The following NELL1 variants were observed in gnomAD, a reference collection of about 807,000 sequenced individuals.
NELL1 encodes protein kinase C-binding protein NELL1.
In NELL1, 76 loss-of-function variants were observed where a neutral mutation model predicts 107.4. That is an observed-to-expected ratio of 0.71 (90% CI 0.59 to 0.86). The LOEUF is 0.86. Ranked by LOEUF, NELL1 falls within the 40% of genes least tolerant of loss-of-function variation. The pLI is 0.00. For missense variants in NELL1, 1,024 were observed against 1,005.5 expected (o/e 1.02, Z -0.25); for synonymous variants, 353 against 341.2 (o/e 1.03, Z -0.38).
chr11:20,848,715 A>G (rs886217788), intron 4 of NELL1, among the ~76,000 whole-genome samples: 2 of 152,164 alleles, frequency 1.3e-5, no homozygotes, highest in African/African-American at 4.8e-5. Context: ...CATCAAGAGG[A>G]GAGATATTCC....
At chr11:21,266,103 C>A (rs1432590883) in intron 14 of NELL1, among the ~76,000 whole-genome samples, 1 of 151,994 alleles carries the variant, frequency 6.6e-6, no homozygotes, top group Non-Finnish European at 1.5e-5. Context: ...TCCAGATACG[C>A]AGTCAGTTCA....
intron 4 of NELL1, among the ~76,000 whole-genome samples, chr11:20,871,862 A>G (rs1328822270): frequency 6.6e-6 from 1 of 151,528 alleles, no homozygotes; most frequent in Admixed American, 6.6e-5. Flanking sequence ...TACTAAAAAT[A>G]CAAAAAGTTA....
chr11:21,019,686 G>A (rs1852653288), intron 12 of NELL1, among the ~76,000 whole-genome samples: 1 of 152,004 alleles, frequency 6.6e-6, no homozygotes, highest in African/African-American at 2.4e-5. Context: ...AACAACAAAT[G>A]ATCTGATCTC....
chr11:21,190,088 C>T (rs1014113310), intron 13 of NELL1, among the ~76,000 whole-genome samples: 2 of 151,782 alleles, frequency 1.3e-5, no homozygotes, highest in African/African-American at 4.9e-5. Flanking sequence ...TGCGGTGGCT[C>T]ATGCCTGTAA....
chr11:20,744,189 A>G (rs1003653930), intron 2 of NELL1, among the ~76,000 whole-genome samples: 1 of 152,014 alleles, frequency 6.6e-6, no homozygotes, highest in Non-Finnish European at 1.5e-5. Flanking sequence ...CTTACGCTCC[A>G]CTCTAGTCCA....
rs1855185671 is a variant in NELL1, at chr11:21,503,068, A to AT, written c.1646-31306_1646-31305insT. ...GGCTAATTTTGTATTTTTAGTAGAG[A>AT]CGGGGTTTCTCCATGTTGGTCAGGC... On this transcript the variant is annotated intron_variant, in intron 15 of 19. Coordinates refer to ENST00000357134, the MANE Select transcript of NELL1 (RefSeq NM_006157.5). Among the ~76,000 whole-genome samples, 4 of 152,098 alleles carry AT rather than the reference A, an allele frequency of 2.6e-5. No individual in the cohort carries two copies. In the East Asian group the frequency reaches 7.8e-4, roughly 30 times the overall value.
chr11:21,530,042 ATC>A (rs1219194881), intron 15 of NELL1, among the ~76,000 whole-genome samples: 2 of 152,100 alleles, frequency 1.3e-5, no homozygotes, highest in Non-Finnish European at 2.9e-5. Context: ...CAGAGACCTT[ATC>A]TCTCTATGTC....
chr11:21,281,554 G>A (rs1848994553), intron 14 of NELL1, among the ~76,000 whole-genome samples: 1 of 152,138 alleles, frequency 6.6e-6, no homozygotes, highest in Admixed American at 6.5e-5. Flanking sequence ...GGCCTTGAGT[G>A]AACTTAGGGG....
chr11:20,936,285 C>T (rs1850723282), intron 9 of NELL1, among the ~76,000 whole-genome samples: 1 of 152,140 alleles, frequency 6.6e-6, no homozygotes, highest in African/African-American at 2.4e-5. Flanking sequence ...CTCTCTACAG[C>T]CCTATACAAG....
chr11:21,322,585 A>G (rs1850037634), intron 14 of NELL1, among the ~76,000 whole-genome samples: 1 of 152,060 alleles, frequency 6.6e-6, no homozygotes, highest in African/African-American at 2.4e-5. Flanking sequence ...ACTCTGAAAT[A>G]CTCTATGGTA....
chr11:21,404,581 A>T (rs528215757), intron 15 of NELL1, among the ~76,000 whole-genome samples: 1 of 151,976 alleles, frequency 6.6e-6, no homozygotes, highest in Non-Finnish European at 1.5e-5. Flanking sequence ...AGGAATTATA[A>T]CTTCCCCTTT....
chr11:21,144,764 T>C (rs190971469), intron 13 of NELL1, among the ~76,000 whole-genome samples: 81 of 152,156 alleles, frequency 5.3e-4, no homozygotes, highest in Non-Finnish European at 1.0e-3. Flanking sequence ...GCATGAACAG[T>C]AGTTTGAGTG....
At chr11:21,518,411 TTGA>T (rs1299245114) in intron 15 of NELL1, among the ~76,000 whole-genome samples, 1 of 152,202 alleles carries the variant, frequency 6.6e-6, no homozygotes, top group Admixed American at 6.5e-5. Flanking sequence ...AATTATCTTA[TTGA>T]TCATGTCTGC....
intron 12 of NELL1, among the ~76,000 whole-genome samples, chr11:21,003,194 T>G (rs987540342): frequency 1.3e-5 from 2 of 152,156 alleles, no homozygotes; most frequent in African/African-American, 4.8e-5. Flanking sequence ...TTCAGGATGC[T>G]CAGTCTTTAG....
At chr11:20,755,865 G>GTTTTTTTTTT (rs574606148) in intron 2 of NELL1, among the ~76,000 whole-genome samples, 47 of 122,076 alleles carry the variant, frequency 3.9e-4, no homozygotes, top group Non-Finnish European at 5.6e-4. Flanking sequence ...CAGACCTGCG[G>GTTTTTTTTTT]TTTTTTTTTT....
chr11:20,797,335 C>A (rs573853121), intron 3 of NELL1, among the ~76,000 whole-genome samples: 1 of 151,822 alleles, frequency 6.6e-6, no homozygotes, highest in South Asian at 2.1e-4. Context: ...GAGGCTGAGG[C>A]GGGTAGATCA....
intron 11 of NELL1, among the ~76,000 whole-genome samples, chr11:20,947,668 G>A (rs537565702): frequency 6.6e-6 from 1 of 152,188 alleles, no homozygotes; most frequent in South Asian, 2.1e-4. Flanking sequence ...ATGGGATAAT[G>A]CATAAGCACC....
chr11:20,913,924 A>G (rs1248896548), intron 5 of NELL1, among the ~76,000 whole-genome samples: 3 of 152,058 alleles, frequency 2.0e-5, no homozygotes, highest in African/African-American at 7.2e-5. Flanking sequence ...TGTCTTAGCA[A>G]ATTATTATTA....
chr11:20,875,431 T>C (rs1013776536), intron 4 of NELL1, among the ~76,000 whole-genome samples: 2 of 152,152 alleles, frequency 1.3e-5, no homozygotes, highest in African/African-American at 4.8e-5. Flanking sequence ...TAGCCAGGTA[T>C]AGTAGCATGC....
Sources: allele counts gnomAD v4.1 joint callset (sites outside exome capture counted in the v4.1 genomes callset), GRCh38; gene constraint gnomAD v4.1.1; transcripts MANE v1.5; gene names NCBI Gene and HGNC (gene_info 2026-07-23, HGNC 2026-07-21).